Variants in ZNF43 observed in about 807,000 individuals in gnomAD.
The protein encoded by ZNF43 is zinc finger protein 39-like 1 (KOX 27).
In ZNF43, 44 loss-of-function variants were observed where a neutral mutation model predicts 68.4. The ratio of observed to expected loss-of-function variants is 0.64; its 90% confidence interval spans 0.51 to 0.83. The LOEUF is 0.83. Ranked by LOEUF, ZNF43 falls within the 40% of genes least tolerant of loss-of-function variation. ZNF43 has a pLI of 0.00. For missense variants in ZNF43, 896 were observed against 933.2 expected, an observed-to-expected ratio of 0.96 and a Z score of 0.52; for synonymous variants, 308 against 307.8, an observed-to-expected ratio of 1.00 and a Z score of -0.01.
intron 1 of ZNF43, among the ~76,000 whole-genome samples, chr19:21,828,910 A>G (rs1333656712): frequency 1.3e-5 from 2 of 150,380 alleles, no homozygotes; most frequent in South Asian, 2.1e-4. Flanking sequence ...GCGGGCGCCT[A>G]TACTCCCAGC....
At chr19:21,850,574 A>C (rs1968280740) in intron 1 of ZNF43, among the ~76,000 whole-genome samples, 1 of 149,280 alleles carries the variant, frequency 6.7e-6, no homozygotes, top group Non-Finnish European at 1.5e-5. Flanking sequence ...AAACAAAAAA[A>C]GAAAAAGAAA....
Position 21,836,145 on chromosome 19 carries a change from C to G in ZNF43, c.-107G>C. On this transcript the variant is annotated 5_prime_UTR_variant, in exon 1 of 4. Coordinates refer to ENST00000354959, the MANE Select transcript of ZNF43 (RefSeq NM_003423.4). ...TCTAGCAGCAGAGGACACAGAAGAA[C>G]GAAGACGAGACGCAGAGCTCCAACT... 2.5e-6 allele frequency: 4 copies of G among 1,585,206 alleles called. No homozygotes were observed. Among genetic ancestry groups the G allele is most frequent in the South Asian group, 1.1e-5 (1 of 88,048 alleles).
chr19:21,837,764 A>C (rs2145366970), upstream of ZNF43: 1 of 152,384 alleles, frequency 6.6e-6, no homozygotes, highest in South Asian at 2.1e-4. Context: ...TGCTGGGATT[A>C]CAGGTGTGAG....
upstream of ZNF43, chr19:21,840,015 A>T (rs963065652): frequency 3.4e-5 from 5 of 145,498 alleles, no homozygotes; most frequent in African/African-American, 1.4e-4. Flanking sequence ...CCTGGTAGAA[A>T]GAGAGTCACA....
rs931549981 is a variant in ZNF43, at chr19:21,806,713, C to T, written c.*894G>A. 1 of 152,034 alleles carries T rather than the reference C, an allele frequency of 6.6e-6. No homozygotes were observed. The highest frequency in any genetic ancestry group is 2.4e-5 in the African/African-American group (1 of 41,396). The allele number at this position is 152,034 out of a possible 1,614,324, so 9.4% of individuals were successfully genotyped here. On this transcript the variant is annotated 3_prime_UTR_variant, in exon 4 of 4. Transcript: ENST00000354959. ...TTTAATTGTAATTATAACTGAAAAT[C>T]TTCTACTTCTTTTAATGTTATATAC...
chr19:21,819,307 TGA>T, intron 1 of ZNF43, 86 bp from the exon 2 acceptor site: 1 of 1,459,120 alleles, frequency 6.9e-7, no homozygotes, highest in East Asian at 2.4e-5. Context: ...CAAGGTAAAA[TGA>T]GAGAGTAAAG....
chr19:21,851,554 A>G (rs1395268737), intron 1 of ZNF43, among the ~76,000 whole-genome samples: 1 of 151,112 alleles, frequency 6.6e-6, no homozygotes, highest in Non-Finnish European at 1.5e-5. Flanking sequence ...AAAAAAAAAA[A>G]AAAAAAAAAT....
At chr19:21,825,405 A>G (rs1215588546) in intron 1 of ZNF43, among the ~76,000 whole-genome samples, 1 of 152,250 alleles carries the variant, frequency 6.6e-6, no homozygotes, top group Non-Finnish European at 1.5e-5. Context: ...GCAATAGCAA[A>G]TAGTTTCAAG....
chr19:21,808,712 G>A lies in ZNF43; in HGVS notation c.1325C>T (p.Thr442Ile), dbSNP rs2037103177. The A allele has an allele frequency of 6.2e-7, 1 of 1,612,696 alleles. No individual in the cohort carries two copies. The highest frequency in any genetic ancestry group is 1.7e-4 in the Middle Eastern group (1 of 6,058). Residue 442 changes from threonine to isoleucine, a missense_variant, in exon 4 of 4, where the codon ACT (threonine) becomes ATT (isoleucine). Thr to Ile is a moderately conservative substitution (Grantham distance 89). Transcript: ENST00000354959. ...TCCAGTATGAATTCTGTTATGTTTAGTAAGGGTTGAGGGCCAGTTAAAGGC... is the reference window on the plus strand; with the variant it reads ...TCCAGTATGAATTCTGTTATGTTTAATAAGGGTTGAGGGCCAGTTAAAGGC... ...GKAFNWPSTL[T>I]KHNRIHTGEK...
intron 1 of ZNF43, among the ~76,000 whole-genome samples, chr19:21,846,216 GGA>G (rs1337378615): frequency 2.6e-5 from 4 of 152,144 alleles, no homozygotes; most frequent in Non-Finnish European, 5.9e-5. Flanking sequence ...AGCTATGAGA[GGA>G]GAGTCACATC....
chr19:21,807,942 T>C lies in ZNF43; in HGVS notation c.2095A>G (p.Ile699Val). Residue 699 changes from isoleucine (I) to valine (V), a missense_variant, in exon 4 of 4, where the codon ATT (isoleucine) becomes GTT (valine). Transcript: ENST00000354959. ...TTGTAGGGTTTCTCTCCAGTATGAATAATCTTATGTGTAGAAAGGGTTGAG... is the reference window on the plus strand; with the variant it reads ...TTGTAGGGTTTCTCTCCAGTATGAACAATCTTATGTGTAGAAAGGGTTGAG... Reference protein sequence around the residue: ...LSSTLSTHKIIHTGEKPYKCE... With the variant: ...LSSTLSTHKIVHTGEKPYKCE... 2.5e-6 allele frequency: 4 copies of C among 1,612,952 alleles called. No homozygotes were observed. The highest frequency in any genetic ancestry group is 3.4e-6 in the Non-Finnish European group (4 of 1,179,756).
intron 3 of ZNF43, chr19:21,812,090 T>C (rs10405397): frequency 0.19 from 73,770 of 397,608 alleles, 7,635 homozygotes; most frequent in Non-Finnish European, 0.22. Context: ...GTAAATCACA[T>C]GTGATATTCC....
chr19:21,821,762 C>T (rs949778389), intron 1 of ZNF43, among the ~76,000 whole-genome samples: 6 of 147,016 alleles, frequency 4.1e-5, no homozygotes, highest in South Asian at 2.2e-4. Context: ...TTGCAGAGAC[C>T]CTTGCCTATC....
chr19:21,818,562 T>C (rs1599472797), intron 2 of ZNF43, among the ~76,000 whole-genome samples: 2 of 151,344 alleles, frequency 1.3e-5, no homozygotes, highest in East Asian at 2.0e-4. Flanking sequence ...CTGGGATTAC[T>C]GGCATGAAAC....
At chr19:21,810,686 T>G (rs768187717) in intron 3 of ZNF43, among the ~76,000 whole-genome samples, 3 of 152,224 alleles carry the variant, frequency 2.0e-5, no homozygotes, top group Non-Finnish European at 2.9e-5. Context: ...CAGTCGCTTA[T>G]GCTTATAATC....
At chr19:21,843,530 C>CT (rs1297685536) in intron 1 of ZNF43, among the ~76,000 whole-genome samples, 1 of 152,204 alleles carries the variant, frequency 6.6e-6, no homozygotes, top group East Asian at 1.9e-4. Context: ...TGCCTCACAC[C>CT]TGTAACCCCA....
Position 21,809,516 on chromosome 19 carries a change from A to G in ZNF43, c.521T>C (p.Phe174Ser). The change falls in exon 4 of 4, where the codon TTC (phenylalanine) becomes TCC (serine). Residue 174 changes from phenylalanine (F) to serine (S), a missense_variant. By Grantham distance (155) the Phe-to-Ser change is radical. Transcript: ENST00000354959. ...HKISHTEKKL[F>S]KCKECGKSFC... is the part of the protein sequence containing the mutation. Reference sequence around the variant, plus strand: ...TGATTTGCCACATTCTTTGCATTTGAAAAGTTTTTTTTCAGTATGGCTTAT... The same window carrying G: ...TGATTTGCCACATTCTTTGCATTTGGAAAGTTTTTTTTCAGTATGGCTTAT... 1 of 1,613,610 alleles carries G rather than the reference A, an allele frequency of 6.2e-7. No individual in the cohort carries two copies. The highest frequency in any genetic ancestry group is 8.5e-7 in the Non-Finnish European group (1 of 1,179,740).
chr19:21,846,109 G>C (rs902174791), intron 1 of ZNF43, among the ~76,000 whole-genome samples: 3 of 152,104 alleles, frequency 2.0e-5, no homozygotes, highest in Admixed American at 6.5e-5. Context: ...AGGCCCAGGG[G>C]TATTTCCTAG....
In ZNF43 at chr19:21,808,213, G is replaced by A. The variant is rs774564038; in HGVS notation, c.1824C>T (p.Asn608=). Residue 608 remains asparagine (N), a synonymous_variant, in exon 4 of 4, where the codon AAC becomes AAT. Transcript: ENST00000354959. ...TATGAATTTTTTTATGTGTAGTAAG[G>A]TTTGAAGATTGGGTAAAAGCTTTGC... is the stretch of plus-strand genomic sequence containing the variant. ...ECGKAFTQSS[N]LTTHKKIHTG... is the part of the protein sequence containing the mutation. The A allele has an allele frequency of 5.6e-6, 9 of 1,612,818 alleles. No individual in the cohort carries two copies. Among genetic ancestry groups the A allele is most frequent in the Non-Finnish European group, 7.6e-6 (9 of 1,179,622 alleles).
Sources: allele counts gnomAD v4.1 joint callset (sites outside exome capture counted in the v4.1 genomes callset), GRCh38; gene constraint gnomAD v4.1.1; transcripts MANE v1.5; gene names NCBI Gene and HGNC (gene_info 2026-07-23, HGNC 2026-07-21).